NRG3: variants seen among roughly 807,000 people sequenced by gnomAD.
NRG3 encodes pro-neuregulin-3, membrane-bound isoform.
A neutral mutation model predicts 66.9 loss-of-function variants in NRG3; 31 were observed. The ratio of observed to expected loss-of-function variants is 0.46; its 90% CI spans 0.35 to 0.63. The LOEUF (loss-of-function observed/expected upper bound fraction) is 0.63, where lower values mean the gene tolerates loss of function less well. Among genes scored for constraint, NRG3 ranks in the 20% least tolerant of loss-of-function variants. The pLI is 0.00. For synonymous variants in NRG3, 393 were observed against 359.4 expected (o/e 1.09, Z -1.06); for missense variants, 910 against 878.9 (o/e 1.04, Z -0.45).
chr10:81,996,548 C>T (rs1372358956), intron 1 of NRG3, among the ~76,000 whole-genome samples: 2 of 152,102 alleles, frequency 1.3e-5, no homozygotes, highest in Non-Finnish European at 2.9e-5. Flanking sequence ...TGGTCATTAT[C>T]TTTTATTTCA....
chr10:81,877,083 C>T lies in NRG3; in HGVS notation c.823+920C>T, dbSNP rs114789228. Among the ~76,000 whole-genome samples, 369 of 152,318 alleles carry T rather than the reference C, an allele frequency of 2.4e-3. 2 individuals carry two copies. The highest frequency in any genetic ancestry group is 8.6e-3 in the African/African-American group (357 of 41,572). The stretch of plus-strand genomic sequence containing the variant: ...AACATCCAACCGTTTGGAAACATGT[C>T]ACCGTTAGAATGTAGCATCTTCAAC... On this transcript the variant is annotated intron_variant, in intron 1 of 8. Coordinates refer to ENST00000372141, the MANE Select transcript of NRG3 (RefSeq NM_001010848.4).
intron 1 of NRG3, among the ~76,000 whole-genome samples, chr10:82,011,470 G>T (rs58812150): frequency 6.6e-6 from 1 of 152,056 alleles, no homozygotes; most frequent in Non-Finnish European, 1.5e-5. Context: ...CCTCACATTT[G>T]AAAACACAAT....
chr10:82,375,431 G>A (rs886679329), intron 2 of NRG3, among the ~76,000 whole-genome samples: 2 of 151,994 alleles, frequency 1.3e-5, no homozygotes, highest in Admixed American at 1.3e-4. Flanking sequence ...CAGCTACCAG[G>A]GAGGCTGAGG....
chr10:82,001,631 A>G (rs765982307), intron 1 of NRG3, among the ~76,000 whole-genome samples: 5 of 152,156 alleles, frequency 3.3e-5, no homozygotes, highest in Non-Finnish European at 5.9e-5. Flanking sequence ...CAAGTGCCCT[A>G]TTTTCTACAC....
intron 4 of NRG3, among the ~76,000 whole-genome samples, chr10:82,939,023 T>A (rs1329442278): frequency 6.6e-6 from 1 of 152,208 alleles, no homozygotes; most frequent in Admixed American, 6.6e-5. Context: ...CTGGTAGATA[T>A]AACTTGATGC....
chr10:82,376,401 C>T (rs996725822), intron 2 of NRG3, among the ~76,000 whole-genome samples: 4 of 152,202 alleles, frequency 2.6e-5, no homozygotes, highest in Non-Finnish European at 5.9e-5. Flanking sequence ...ACTGGGGCTT[C>T]CCAGGTCCTT....
chr10:82,919,764 T>G (rs1181741441), intron 4 of NRG3, among the ~76,000 whole-genome samples: 1 of 152,156 alleles, frequency 6.6e-6, no homozygotes, highest in Non-Finnish European at 1.5e-5. Flanking sequence ...CCATAATTTG[T>G]ATCAATATCC....
At chr10:82,033,987 A>G (rs12245386) in intron 1 of NRG3, among the ~76,000 whole-genome samples, 84,638 of 151,962 alleles carry the variant, frequency 0.56, 23,637 homozygotes, top group South Asian at 0.65. Flanking sequence ...AAGCACAAGT[A>G]ATGATCTTTA....
In NRG3 at chr10:82,231,157, A is replaced by G. The variant is rs186834380; in HGVS notation, c.824-127582A>G. Among the ~76,000 whole-genome samples, 401 of 152,274 alleles carry G rather than the reference A, an allele frequency of 2.6e-3. 1 individual carries two copies. Among genetic ancestry groups the G allele is most frequent in the African/African-American group, 5.4e-3 (225 of 41,554 alleles). ...CAGGAGTTCGAGACCAGCCTGGCCA[A>G]TATGGTGAAACCCCGTCTCTACTAA... On this transcript the variant is annotated intron_variant, in intron 1 of 8. Transcript: ENST00000372141.
chr10:82,587,031 G>T (rs1465188979), intron 2 of NRG3, among the ~76,000 whole-genome samples: 6 of 152,120 alleles, frequency 3.9e-5, no homozygotes, highest in African/African-American at 1.4e-4. Flanking sequence ...AACCCCTCAG[G>T]TGTCCATGCC....
At chr10:82,664,646 C>CA (rs2052619908) in intron 2 of NRG3, among the ~76,000 whole-genome samples, 2 of 151,994 alleles carry the variant, frequency 1.3e-5, no homozygotes, top group South Asian at 4.1e-4. Context: ...GGAGGGTCTT[C>CA]AGGGGGGTCC....
intron 1 of NRG3, among the ~76,000 whole-genome samples, chr10:82,004,578 C>T (rs1288834099): frequency 6.6e-6 from 1 of 152,192 alleles, no homozygotes; most frequent in Non-Finnish European, 1.5e-5. Context: ...AATGATTTGA[C>T]ATCAGCACTG....
intron 4 of NRG3, among the ~76,000 whole-genome samples, chr10:82,916,313 A>G (rs959663915): frequency 4.6e-5 from 7 of 152,172 alleles, no homozygotes; most frequent in Non-Finnish European, 7.3e-5. Flanking sequence ...TTAGCTTGGC[A>G]TGATGTCACA....
At chr10:82,658,870 C>A (rs1228328073) in intron 2 of NRG3, among the ~76,000 whole-genome samples, 1 of 152,072 alleles carries the variant, frequency 6.6e-6, no homozygotes, top group Non-Finnish European at 1.5e-5. Flanking sequence ...TTTTTTCAAT[C>A]ATTTTTCACA....
chr10:82,560,669 T>A (rs2044978098), intron 2 of NRG3, among the ~76,000 whole-genome samples: 1 of 151,192 alleles, frequency 6.6e-6, no homozygotes. Context: ...AACTATAGTA[T>A]TAATAGACAC....
At chr10:82,477,985 A>T (rs1841937346) in intron 2 of NRG3, among the ~76,000 whole-genome samples, 1 of 152,182 alleles carries the variant, frequency 6.6e-6, no homozygotes, top group South Asian at 2.1e-4. Flanking sequence ...GGTGGTTGGA[A>T]TTAATTGTCA....
intron 2 of NRG3, among the ~76,000 whole-genome samples, chr10:82,598,431 C>T (rs947199201): frequency 1.3e-5 from 2 of 152,116 alleles, no homozygotes; most frequent in African/African-American, 2.4e-5. Context: ...GAAGGTTGTG[C>T]CTGTGGAATT....
chr10:82,035,457 A>G (rs2062754765), intron 1 of NRG3, among the ~76,000 whole-genome samples: 1 of 152,174 alleles, frequency 6.6e-6, no homozygotes, highest in Admixed American at 6.5e-5. Flanking sequence ...GAAAATTTGT[A>G]TCCTCATTGC....
At chr10:82,065,181 G>A (rs191968427) in intron 1 of NRG3, among the ~76,000 whole-genome samples, 24 of 152,076 alleles carry the variant, frequency 1.6e-4, no homozygotes, top group Middle Eastern at 3.4e-3. Context: ...ACATATTTAC[G>A]TAAAACTATG....
Sources: gnomAD v4.1 joint callset for allele counts (sites outside exome capture counted in the v4.1 genomes callset) on GRCh38, gnomAD v4.1.1 for gene constraint, MANE v1.5 for transcripts, NCBI Gene and HGNC (gene_info 2026-07-23, HGNC 2026-07-21) for gene names.